The following UBAC2 variants were observed in gnomAD, a reference collection of about 807,000 sequenced individuals.
The protein encoded by UBAC2 is ubiquitin-associated domain-containing protein 2.
In UBAC2, 26 loss-of-function variants were observed where a neutral mutation model predicts 44.0. The observed-to-expected ratio is 0.59, with a 90% CI of 0.43 to 0.82. The LOEUF is 0.82. Ranked by LOEUF, UBAC2 falls within the 40% of genes least tolerant of loss-of-function variation. The probability of loss-of-function intolerance (pLI) is 0.00; values close to 1 mark genes in which losing one functional copy is unlikely to be tolerated. For synonymous variants in UBAC2, 155 were observed against 154.3 expected (o/e 1.00, Z -0.04); for missense variants, 329 against 419.4 (o/e 0.78, Z 1.88).
At chr13:99,233,474 A>G (rs1024383084) in intron 1 of UBAC2, among the ~76,000 whole-genome samples, 2 of 152,186 alleles carry the variant, frequency 1.3e-5, no homozygotes, top group African/African-American at 2.4e-5. Flanking sequence ...GAGAAATTCT[A>G]GGTCTTGGGC....
intron 8 of UBAC2, among the ~76,000 whole-genome samples, chr13:99,371,899 G>C (rs979503423): frequency 6.6e-6 from 1 of 152,186 alleles, no homozygotes; most frequent in African/African-American, 2.4e-5. Context: ...TAGTTTGATA[G>C]CCATAGAAAT....
chr13:99,269,831 T>G (rs2043794237), intron 4 of UBAC2, among the ~76,000 whole-genome samples: 1 of 152,218 alleles, frequency 6.6e-6, no homozygotes, highest in Non-Finnish European at 1.5e-5. Context: ...TAGATGGCAG[T>G]GTTACATAGA....
chr13:99,350,881 G>C (rs890460294), intron 7 of UBAC2, among the ~76,000 whole-genome samples: 4 of 152,216 alleles, frequency 2.6e-5, no homozygotes, highest in African/African-American at 9.7e-5. Flanking sequence ...TGGGGATTGA[G>C]TTAAATTATA....
intron 7 of UBAC2, among the ~76,000 whole-genome samples, chr13:99,352,934 A>T (rs968413006): frequency 1.1e-4 from 17 of 152,236 alleles, no homozygotes; most frequent in African/African-American, 3.6e-4. Flanking sequence ...AAAGGAGTCC[A>T]CCAGGAATCC....
At chr13:99,221,100 G>A (rs1594012473) in intron 1 of UBAC2, among the ~76,000 whole-genome samples, 1 of 152,126 alleles carries the variant, frequency 6.6e-6, no homozygotes. Flanking sequence ...TTTATGGATA[G>A]AACATAATTT....
intron 4 of UBAC2, among the ~76,000 whole-genome samples, chr13:99,312,125 T>A (rs2044419916): frequency 6.6e-6 from 1 of 152,230 alleles, no homozygotes; most frequent in Non-Finnish European, 1.5e-5. Context: ...TGTGTTGTAT[T>A]TTGGTTTGGT....
intron 4 of UBAC2, among the ~76,000 whole-genome samples, chr13:99,279,761 C>T (rs2043929247): frequency 1.3e-5 from 2 of 152,196 alleles, no homozygotes; most frequent in South Asian, 4.1e-4. Flanking sequence ...GGTGTCCTCA[C>T]ATGGCAGAAA....
At chr13:99,381,374 C>T (rs2045548697) in intron 8 of UBAC2, among the ~76,000 whole-genome samples, 1 of 152,222 alleles carries the variant, frequency 6.6e-6, no homozygotes, top group Admixed American at 6.5e-5. Context: ...TGCCAGATCT[C>T]CAAATTGCTG....
intron 7 of UBAC2, among the ~76,000 whole-genome samples, chr13:99,358,715 AGT>A (rs1489110972): frequency 3.9e-5 from 6 of 152,136 alleles, no homozygotes; most frequent in African/African-American, 1.4e-4. Flanking sequence ...GGGCAGTGAG[AGT>A]GAGGGTGGAG....
intron 1 of UBAC2, among the ~76,000 whole-genome samples, chr13:99,204,962 G>A (rs949731397): frequency 2.1e-5 from 3 of 144,564 alleles, no homozygotes; most frequent in African/African-American, 5.1e-5. Context: ...GGAGTGCAGC[G>A]GTGTGATCTC....
chr13:99,230,615 C>T (rs980419984), intron 1 of UBAC2, among the ~76,000 whole-genome samples: 3 of 152,196 alleles, frequency 2.0e-5, no homozygotes, highest in African/African-American at 4.8e-5. Flanking sequence ...TCTGTTTCTT[C>T]GCCTTTTGTA....
chr13:99,228,123 T>C (rs1156271719), intron 1 of UBAC2, among the ~76,000 whole-genome samples: 1 of 151,980 alleles, frequency 6.6e-6, no homozygotes, highest in Non-Finnish European at 1.5e-5. Context: ...CAAGGACAGG[T>C]GGAAACCCAA....
intron 1 of UBAC2, among the ~76,000 whole-genome samples, chr13:99,210,607 A>G (rs2042927360): frequency 2.6e-5 from 4 of 150,952 alleles, no homozygotes; most frequent in Admixed American, 2.6e-4. Context: ...CCTCCTGAGT[A>G]GCTGGGATTA....
At chr13:99,212,345 T>C (rs980293572) in intron 1 of UBAC2, among the ~76,000 whole-genome samples, 1 of 152,244 alleles carries the variant, frequency 6.6e-6, no homozygotes, top group Non-Finnish European at 1.5e-5. Flanking sequence ...TAAATGAGAA[T>C]TATAAAGTAA....
At chr13:99,366,751 T>C (rs2045336486) in intron 7 of UBAC2, among the ~76,000 whole-genome samples, 1 of 152,194 alleles carries the variant, frequency 6.6e-6, no homozygotes, top group Non-Finnish European at 1.5e-5. Flanking sequence ...ACTCAAACAG[T>C]GATAGAACCC....
intron 6 of UBAC2, among the ~76,000 whole-genome samples, chr13:99,340,013 G>A (rs575585735): frequency 2.0e-5 from 3 of 152,164 alleles, no homozygotes; most frequent in South Asian, 2.1e-4. Flanking sequence ...GATCTTTTAC[G>A]GCTTTTTAAA....
intron 4 of UBAC2, among the ~76,000 whole-genome samples, chr13:99,248,131 A>G (rs1209651144): frequency 6.6e-6 from 1 of 152,090 alleles, no homozygotes; most frequent in Non-Finnish European, 1.5e-5. Context: ...TCTTGATTTC[A>G]ACTACAGTGA....
At chr13:99,242,799 T>C (rs9554575) in intron 2 of UBAC2, among the ~76,000 whole-genome samples, 724 of 69,214 alleles carry the variant, frequency 0.01, 22 homozygotes, top group Middle Eastern at 0.019. Context: ...CCAGACGGGG[T>C]GGCTGCCGGG....
At chr13:99,285,214 A>G (rs1205861865) in intron 4 of UBAC2, among the ~76,000 whole-genome samples, 1 of 151,886 alleles carries the variant, frequency 6.6e-6, no homozygotes, top group Non-Finnish European at 1.5e-5. Flanking sequence ...GCCCTTTTAC[A>G]TTTGCTTTTG....
Sources: allele counts gnomAD v4.1 joint callset (sites outside exome capture counted in the v4.1 genomes callset), GRCh38; gene constraint gnomAD v4.1.1; transcripts MANE v1.5; gene names NCBI Gene and HGNC (gene_info 2026-07-23, HGNC 2026-07-21).